Variants in AGBL4 observed in about 807,000 individuals in gnomAD.
AGBL4 encodes AGBL carboxypeptidase 4.
AGBL4 carries 58 observed loss-of-function variants against 66.4 expected under a neutral mutation model. The observed-to-expected ratio is 0.87, with a 90% CI of 0.71 to 1.09. The LOEUF is 1.09. Ranked by LOEUF, AGBL4 falls within the 50% of genes least tolerant of loss-of-function variation. The pLI is 0.00. For missense variants in AGBL4, 579 were observed against 631.0 expected (o/e 0.92, Z 0.88); for synonymous variants, 234 against 222.9 (o/e 1.05, Z -0.44).
chr1:49,642,956 C>T (rs1156459806), intron 3 of AGBL4, among the ~76,000 whole-genome samples: 1 of 151,896 alleles, frequency 6.6e-6, no homozygotes, highest in Non-Finnish European at 1.5e-5. Context: ...CATTAAAATA[C>T]TACCCACAGT....
chr1:49,360,850 T>C (rs1309659937), intron 3 of AGBL4, among the ~76,000 whole-genome samples: 4 of 152,202 alleles, frequency 2.6e-5, no homozygotes, highest in Non-Finnish European at 5.9e-5. Context: ...AGTCACTCTG[T>C]TGCCCAGGCT....
At chr1:49,237,512 TTATATATATATATATATATATATATATA>T (rs71056690) in intron 4 of AGBL4, among the ~76,000 whole-genome samples, 151 of 2,286 alleles carry the variant, frequency 0.066, 1 homozygote, top group Middle Eastern at 0.38. Flanking sequence ...CAATATTACA[TTATATATATATATATATATATATATATA>T]TATATATATA....
intron 6 of AGBL4, among the ~76,000 whole-genome samples, chr1:48,841,935 T>C (rs1013534442): frequency 6.6e-6 from 1 of 152,206 alleles, no homozygotes; most frequent in African/African-American, 2.4e-5. Context: ...GCAAATGACA[T>C]GCAAATCTTA....
chr1:49,891,774 T>C (rs1433676217), intron 1 of AGBL4, among the ~76,000 whole-genome samples: 1 of 152,178 alleles, frequency 6.6e-6, no homozygotes, highest in Non-Finnish European at 1.5e-5. Context: ...GAGTTAACAA[T>C]GCAGACTCTC....
At chr1:49,779,281 T>C (rs1390625383) in intron 2 of AGBL4, among the ~76,000 whole-genome samples, 1 of 152,174 alleles carries the variant, frequency 6.6e-6, no homozygotes, top group Admixed American at 6.5e-5. Flanking sequence ...AAATGGTTAA[T>C]GAATACCATG....
At chr1:48,599,758 C>CTGAT (rs958864457) in intron 9 of AGBL4, among the ~76,000 whole-genome samples, 22 of 152,128 alleles carry the variant, frequency 1.4e-4, no homozygotes, top group African/African-American at 5.1e-4. Flanking sequence ...ATTGAGAGTT[C>CTGAT]TGATAGGCTC....
intron 1 of AGBL4, among the ~76,000 whole-genome samples, chr1:49,950,895 T>C (rs902545850): frequency 6.6e-6 from 1 of 151,842 alleles, no homozygotes; most frequent in Non-Finnish European, 1.5e-5. Flanking sequence ...TTGAATACTA[T>C]TTACCCTTTA....
rs550066598 is a variant in AGBL4, at chr1:49,920,923, A to T, written c.35-69405T>A. Among the ~76,000 whole-genome samples, 5 of 152,362 alleles carry T rather than the reference A, an allele frequency of 3.3e-5. No homozygotes were observed. The South Asian group carries it at 1.0e-3, about 32-fold the overall frequency. ...TACTATGCAGCCATAAAAAAGGATG[A>T]GGTCATGTCCTTTGTAGGGACATGG... On this transcript the variant is annotated intron_variant, in intron 1 of 13. Coordinates refer to ENST00000371839, the MANE Select transcript of AGBL4 (RefSeq NM_032785.4).
intron 5 of AGBL4, among the ~76,000 whole-genome samples, chr1:48,975,819 T>C (rs1337229246): frequency 6.6e-6 from 1 of 152,148 alleles, no homozygotes; most frequent in Non-Finnish European, 1.5e-5. Context: ...AAGGAAATTC[T>C]GTGGAACTGA....
chr1:49,101,807 G>T (rs963902892), intron 4 of AGBL4, among the ~76,000 whole-genome samples: 7 of 152,064 alleles, frequency 4.6e-5, no homozygotes, highest in African/African-American at 1.7e-4. Context: ...CTGCCTCTAG[G>T]CTGCCCCATA....
intron 1 of AGBL4, among the ~76,000 whole-genome samples, chr1:49,881,468 T>C (rs1647294874): frequency 6.6e-6 from 1 of 151,762 alleles, no homozygotes; most frequent in East Asian, 1.9e-4. Context: ...CCACACTGAC[T>C]TCCACAATGG....
At chr1:48,982,948 G>A (rs1024623673) in intron 5 of AGBL4, among the ~76,000 whole-genome samples, 1 of 152,094 alleles carries the variant, frequency 6.6e-6, no homozygotes, top group Non-Finnish European at 1.5e-5. Context: ...TTCTCTGATG[G>A]TGCCAACTAA....
At chr1:49,513,404 T>C (rs1423146835) in intron 3 of AGBL4, among the ~76,000 whole-genome samples, 1 of 152,004 alleles carries the variant, frequency 6.6e-6, no homozygotes, top group Non-Finnish European at 1.5e-5. Context: ...TGTAGTTTTT[T>C]AACCTATCCC....
At chr1:49,335,253 C>T (rs575686565) in intron 3 of AGBL4, among the ~76,000 whole-genome samples, 4 of 152,294 alleles carry the variant, frequency 2.6e-5, no homozygotes, top group Non-Finnish European at 5.9e-5. Flanking sequence ...TCAAACTCCA[C>T]CTAAGCAAGT....
chr1:49,248,282 T>C (rs1398702845), intron 3 of AGBL4, among the ~76,000 whole-genome samples: 1 of 152,190 alleles, frequency 6.6e-6, no homozygotes, highest in Admixed American at 6.5e-5. Flanking sequence ...TAGAACAATG[T>C]TTTATATATT....
intron 5 of AGBL4, among the ~76,000 whole-genome samples, chr1:48,928,002 G>C (rs1203266575): frequency 6.6e-6 from 1 of 152,152 alleles, no homozygotes; most frequent in African/African-American, 2.4e-5. Flanking sequence ...AAGTGTATGC[G>C]TTTTTTATAT....
At chr1:48,577,701 A>C (rs35422620) in intron 11 of AGBL4, among the ~76,000 whole-genome samples, 9,992 of 151,820 alleles carry the variant, frequency 0.066, 363 homozygotes, top group South Asian at 0.12. Flanking sequence ...CACTGCAGAG[A>C]GAGAGTCTGG....
chr1:49,935,043 G>A (rs886716231), intron 1 of AGBL4, among the ~76,000 whole-genome samples: 9 of 152,226 alleles, frequency 5.9e-5, no homozygotes, highest in South Asian at 2.1e-4. Flanking sequence ...TGCCTCACTC[G>A]GGAAGTGCAA....
intron 6 of AGBL4, among the ~76,000 whole-genome samples, chr1:48,840,224 T>A (rs1249783421): frequency 6.6e-6 from 1 of 152,156 alleles, no homozygotes; most frequent in Non-Finnish European, 1.5e-5. Context: ...AAATCTCTTT[T>A]ACTCTATGCC....
Sources: gnomAD v4.1 joint callset for allele counts (sites outside exome capture counted in the v4.1 genomes callset) on GRCh38, gnomAD v4.1.1 for gene constraint, MANE v1.5 for transcripts, NCBI Gene and HGNC (gene_info 2026-07-23, HGNC 2026-07-21) for gene names.